Variants in ANK3 observed in about 807,000 individuals in gnomAD.
ANK3 encodes ankyrin 3.
In ANK3, 57 loss-of-function variants were observed where a neutral mutation model predicts 370.9. That is an observed-to-expected ratio of 0.15 (90% CI 0.12 to 0.19). The LOEUF (loss-of-function observed/expected upper bound fraction) is 0.19, where lower values mean the gene tolerates loss of function less well. Ranked by LOEUF, ANK3 falls within the 10% of genes least tolerant of loss-of-function variation. The pLI, the probability that ANK3 is intolerant of heterozygous loss-of-function variation, is 1.00. For synonymous variants in ANK3, 1,929 were observed against 1,946.3 expected (o/e 0.99, Z 0.23); for missense variants, 4,439 against 5,302.1 (o/e 0.84, Z 5.06).
intron 2 of ANK3, among the ~76,000 whole-genome samples, chr10:60,586,809 G>A (rs1427953415): frequency 6.6e-6 from 1 of 152,156 alleles, no homozygotes; most frequent in African/African-American, 2.4e-5. Context: ...TAGTTAAAAC[G>A]TAGGTATCTG....
At chr10:60,559,763 T>A (rs1403180708) in intron 2 of ANK3, among the ~76,000 whole-genome samples, 1 of 152,196 alleles carries the variant, frequency 6.6e-6, no homozygotes, top group Non-Finnish European at 1.5e-5. Context: ...AAAACTTCTA[T>A]AAGTAGCAGA....
At chr10:60,683,435 C>T (rs571090469) in intron 1 of ANK3, among the ~76,000 whole-genome samples, 5 of 152,220 alleles carry the variant, frequency 3.3e-5, no homozygotes, top group Non-Finnish European at 7.3e-5. Context: ...GGGGGACTGA[C>T]TGCAGCCATA....
chr10:60,723,878 A>G (rs1365943249), intron 1 of ANK3, among the ~76,000 whole-genome samples: 1 of 152,052 alleles, frequency 6.6e-6, no homozygotes, highest in Non-Finnish European at 1.5e-5. Flanking sequence ...TGAGGTCAAG[A>G]GCCAGGAAAC....
intron 2 of ANK3, among the ~76,000 whole-genome samples, chr10:60,469,040 T>TATACAC (rs2065089665): frequency 1.2e-5 from 1 of 80,002 alleles, no homozygotes; most frequent in African/African-American, 4.5e-5. Flanking sequence ...TGTATATATA[T>TATACAC]ATATATATAT....
intron 1 of ANK3, among the ~76,000 whole-genome samples, chr10:60,363,041 A>G (rs1341568078): frequency 3.4e-5 from 4 of 119,154 alleles, no homozygotes; most frequent in South Asian, 5.7e-4. Context: ...CCAACTACTT[A>G]CTTTTCCAGT....
chr10:60,574,294 G>C lies in ANK3; in HGVS notation c.96+40892C>G, dbSNP rs146717754. On this transcript the variant is annotated intron_variant, in intron 2 of 43. Coordinates refer to the ANK3 transcript ENST00000373827. ...CCAAGCATAGGGATTCAAGTGACAC[G>C]CTCAGAGAGCCACGTGGATTTTACC... Among the ~76,000 whole-genome samples, 469 of 152,256 alleles carry C rather than the reference G, an allele frequency of 3.1e-3. 3 individuals are homozygous for C. The highest frequency in any genetic ancestry group is 6.8e-3 in the Middle Eastern group (2 of 294).
At chr10:60,210,123 A>G (rs2096829603) in intron 9 of ANK3, among the ~76,000 whole-genome samples, 2 of 152,340 alleles carry the variant, frequency 1.3e-5, no homozygotes, top group Admixed American at 6.5e-5. Context: ...ACAAATATTT[A>G]CTGAAGCCCT....
At chr10:60,543,636 T>C (rs879420598) in intron 2 of ANK3, among the ~76,000 whole-genome samples, 1 of 152,106 alleles carries the variant, frequency 6.6e-6, no homozygotes, top group Non-Finnish European at 1.5e-5. Flanking sequence ...TGTTACTGGA[T>C]AGGTACCCAC....
At chr10:60,509,790 A>T (rs2076034386) in intron 2 of ANK3, among the ~76,000 whole-genome samples, 1 of 152,164 alleles carries the variant, frequency 6.6e-6, no homozygotes, top group Admixed American at 6.6e-5. Flanking sequence ...CAAAGTATCA[A>T]ATTATTATTT....
At chr10:60,447,529 T>C (rs2064481504) in intron 2 of ANK3, among the ~76,000 whole-genome samples, 1 of 152,042 alleles carries the variant, frequency 6.6e-6, no homozygotes, top group Non-Finnish European at 1.5e-5. Context: ...TGACATTAAC[T>C]GAAATAAATG....
intron 1 of ANK3, among the ~76,000 whole-genome samples, chr10:60,360,347 T>C (rs1420039476): frequency 1.3e-5 from 2 of 152,240 alleles, no homozygotes. Flanking sequence ...CAGTGGGACA[T>C]CTATTTCATT....
chr10:60,066,772 G>A (rs550809823), intron 38 of ANK3, among the ~76,000 whole-genome samples: 1 of 152,118 alleles, frequency 6.6e-6, no homozygotes, highest in African/African-American at 2.4e-5. Context: ...TTTATTATTT[G>A]GCCATGCATT....
intron 16 of ANK3, among the ~76,000 whole-genome samples, chr10:60,195,146 G>T (rs2096564537): frequency 6.6e-6 from 1 of 151,882 alleles, no homozygotes; most frequent in African/African-American, 2.4e-5. Flanking sequence ...CCAGCACTTT[G>T]GGAGGCCAAG....
At chr10:60,160,154 C>G (rs888559855) in intron 23 of ANK3, among the ~76,000 whole-genome samples, 3 of 116,390 alleles carry the variant, frequency 2.6e-5, no homozygotes, top group African/African-American at 3.6e-5. Flanking sequence ...AATCAATAAG[C>G]TTTTAACCAG....
chr10:60,471,118 C>A (rs1341128083), intron 2 of ANK3, among the ~76,000 whole-genome samples: 2 of 152,122 alleles, frequency 1.3e-5, no homozygotes, highest in Non-Finnish European at 2.9e-5. Context: ...CCAAATCACA[C>A]CATACAGATA....
At position 60,167,017 on chromosome 10, in the gene ANK3, C is replaced by T. The variant is rs888407212; in HGVS notation, c.2479-121G>A. The T allele has an allele frequency of 4.9e-6, 4 of 811,148 alleles. No homozygotes were observed. The African/African-American group carries it at 5.2e-5, about 11-fold the overall frequency. 50.2% of individuals were successfully genotyped at this position (811,148 alleles called of 1,614,324 possible). ...GTATGTGTTGAATATCTTGAATCTCCCACATATAAAATAACATCAAAATTG... is the reference window on the plus strand; with the variant it reads ...GTATGTGTTGAATATCTTGAATCTCTCACATATAAAATAACATCAAAATTG... On this transcript the variant is annotated intron_variant, in intron 21 of 43. Transcript: ENST00000280772.
chr10:60,303,888 G>A (rs1035309472), intron 1 of ANK3, among the ~76,000 whole-genome samples: 7 of 151,950 alleles, frequency 4.6e-5, no homozygotes, highest in South Asian at 4.2e-4. Flanking sequence ...GTGTGTGTGT[G>A]TGTGTGTGTG....
intron 1 of ANK3, among the ~76,000 whole-genome samples, chr10:60,698,584 G>A (rs900398972): frequency 4.7e-5 from 7 of 149,288 alleles, no homozygotes; most frequent in African/African-American, 1.5e-4. Context: ...AAAAAATGAT[G>A]AGTTCATGTC....
chr10:60,673,478 G>A (rs1482325055), intron 1 of ANK3, among the ~76,000 whole-genome samples: 1 of 152,062 alleles, frequency 6.6e-6, no homozygotes, highest in African/African-American at 2.4e-5. Context: ...AGCCTCCCGA[G>A]TAGCTGGGAT....
Sources: gnomAD v4.1 joint callset for allele counts (sites outside exome capture counted in the v4.1 genomes callset) on GRCh38, gnomAD v4.1.1 for gene constraint, MANE v1.5 for transcripts, NCBI Gene and HGNC (gene_info 2026-07-23, HGNC 2026-07-21) for gene names.